Variants in ZNF100 observed in about 807,000 individuals in gnomAD.
ZNF100 encodes the protein zinc finger protein 100 (Y1).
In ZNF100, 12 loss-of-function variants were observed where a neutral mutation model predicts 15.8. The ratio of observed to expected loss-of-function variants is 0.76; its 90% CI spans 0.49 to 1.23. The LOEUF is 1.23. Among genes scored for constraint, ZNF100 ranks in the 50% most tolerant of loss-of-function variants. The pLI is 0.00. For missense variants in ZNF100, 670 were observed against 635.6 expected, an observed-to-expected ratio of 1.05 and a Z score of -0.58; for synonymous variants, 226 against 214.8, an observed-to-expected ratio of 1.05 and a Z score of -0.45.
intron 4 of ZNF100, chr19:21,743,157 G>C (rs373578213): frequency 2.6e-5 from 4 of 152,320 alleles, no homozygotes; most frequent in African/African-American, 9.6e-5. Flanking sequence ...GAACCCAGGA[G>C]GTGGAGGTTG....
At chr19:21,758,664 C>G (rs1474681783) in intron 2 of ZNF100, among the ~76,000 whole-genome samples, 1 of 152,096 alleles carries the variant, frequency 6.6e-6, no homozygotes, top group African/African-American at 2.4e-5. Context: ...GCAAGAAATA[C>G]TAGGATCCAC....
Sources: gnomAD v4.1 joint callset for allele counts (sites outside exome capture counted in the v4.1 genomes callset) on GRCh38, gnomAD v4.1.1 for gene constraint, MANE v1.5 for transcripts, NCBI Gene and HGNC (gene_info 2026-07-23, HGNC 2026-07-21) for gene names.